Variants in GIGYF2 observed in about 807,000 individuals in gnomAD.
GIGYF2 encodes GRB10 interacting GYF protein 2, also known as GRB10-interacting GYF protein 2.
Under a neutral mutation model 208.1 loss-of-function variants are expected in GIGYF2, and 25 were observed. That is an observed-to-expected ratio of 0.12 (90% CI 0.09 to 0.17). GIGYF2 has a LOEUF of 0.17. Among genes scored for constraint, GIGYF2 ranks in the 10% least tolerant of loss-of-function variants. The probability of loss-of-function intolerance (pLI) is 1.00; values close to 1 mark genes in which losing one functional copy is unlikely to be tolerated. For missense variants in GIGYF2, 1,302 were observed against 1,579.4 expected, an observed-to-expected ratio of 0.82 and a Z score of 2.98; for synonymous variants, 534 against 543.8, an observed-to-expected ratio of 0.98 and a Z score of 0.25.
chr2:232,736,364 A>G (rs529896457), intron 3 of GIGYF2: 1 of 237,460 alleles, frequency 4.2e-6, no homozygotes, highest in Admixed American at 6.5e-5. Flanking sequence ...TCCATGGTAC[A>G]CACTGTAAAT....
At chr2:232,823,508 A>G (rs772841184) in intron 21 of GIGYF2, among the ~76,000 whole-genome samples, 6 of 148,444 alleles carry the variant, frequency 4.0e-5, no homozygotes, top group Admixed American at 6.7e-5. Flanking sequence ...TCATGCCACC[A>G]CTCCTGGCTA....
intron 2 of GIGYF2, chr2:232,729,550 C>G: frequency 1.4e-6 from 2 of 1,385,530 alleles, no homozygotes; most frequent in Non-Finnish European, 2.0e-6. Flanking sequence ...CAGCCACATC[C>G]ATGGACTGCA....
At chr2:232,732,922 G>T (rs1436104177) in intron 2 of GIGYF2, among the ~76,000 whole-genome samples, 1 of 152,060 alleles carries the variant, frequency 6.6e-6, no homozygotes, top group Non-Finnish European at 1.5e-5. Flanking sequence ...GAGCCACCAT[G>T]CTCGGCAGTT....
In GIGYF2 at chr2:232,812,335, T is replaced by C. The variant is rs565820264; in HGVS notation, c.2007-56T>C. 10 of 789,938 alleles carry C rather than the reference T, an allele frequency of 1.3e-5. No homozygotes were observed. In the South Asian group the frequency reaches 1.3e-4, roughly 10 times the overall value. 48.9% of individuals were successfully genotyped at this position (789,938 alleles called of 1,614,324 possible). On this transcript the variant is annotated intron_variant, in intron 17 of 28. Transcript: ENST00000373563. ...AATCTAGAAATTCCTCTTCATCTTTTTTTTTTTTTCCTGCAAATGACAAGA... is the reference window on the plus strand; with the variant it reads ...AATCTAGAAATTCCTCTTCATCTTTCTTTTTTTTTCCTGCAAATGACAAGA...
In GIGYF2 at chr2:232,790,829, A is replaced by G. The variant is rs1368942282; in HGVS notation, c.844A>G (p.Arg282Gly). The change falls in exon 10 of 29, where the codon AGG becomes GGG. Residue 282 changes from arginine (R) to glycine (G), a missense_variant. By Grantham distance (125) the Arg-to-Gly change is moderately radical. Transcript: ENST00000373563. The stretch of plus-strand genomic sequence containing the variant: ...TGGCAGTGGGAGCATAGATGATGAC[A>G]GGGATAGCTTGCCCGAATGGTGCTT... ...RSGSGSIDDD[R>G]DSLPEWCLED... is the part of the protein sequence containing the mutation. 2 of 1,614,052 alleles carry G rather than the reference A, an allele frequency of 1.2e-6. No individual in the cohort carries two copies. The highest frequency in any genetic ancestry group is 1.7e-6 in the Non-Finnish European group (2 of 1,180,012).
intron 19 of GIGYF2, 121 bp from the exon 20 acceptor site, chr2:232,816,750 C>T (rs1700925320): frequency 1.3e-6 from 1 of 756,386 alleles, no homozygotes; most frequent in Non-Finnish European, 2.4e-6. Flanking sequence ...GTTGGATCAC[C>T]TGGTTGCAGT....
chr2:232,832,940 G>C lies in GIGYF2; in HGVS notation c.2613G>C (p.Glu871Asp). The C allele has an allele frequency of 6.4e-7, 1 of 1,568,858 alleles. No homozygotes were observed. The highest frequency in any genetic ancestry group is 8.6e-7 in the Non-Finnish European group (1 of 1,156,794). Reference protein sequence around the residue: ...LEENRLRMEEEAARLRHEEEE... With the variant: ...LEENRLRMEEDAARLRHEEEE... ...AGAACCGGCTGCGGATGGAAGAGGA[G>C]GCAGCCAGACTCCGGCATGAGGAAG... Residue 871 changes from glutamate (E) to aspartate (D), a missense_variant, in exon 22 of 29, where the codon GAG becomes GAC. By Grantham distance (45) the Glu-to-Asp change is conservative. Around this residue, in one of 8 missense-constraint regions of GIGYF2, gnomAD observed 701 missense variants for 793.0 expected, o/e 0.88. Transcript: ENST00000373563.
intron 26 of GIGYF2, 115 bp downstream of exon 26, chr2:232,846,001 C>T (rs1226614066): frequency 2.3e-5 from 17 of 736,288 alleles, no homozygotes; most frequent in Non-Finnish European, 4.2e-5. Flanking sequence ...AGGAGGTCAA[C>T]TGCTGCACCT....
intron 23 of GIGYF2, 36 bp downstream of exon 23, chr2:232,840,007 A>G: frequency 6.2e-7 from 1 of 1,602,206 alleles, no homozygotes; most frequent in Non-Finnish European, 8.5e-7. Flanking sequence ...TAGTCAAGCG[A>G]TGTTCCAGAA....
At chr2:232,701,605 G>A (rs1215979515) in intron 1 of GIGYF2, among the ~76,000 whole-genome samples, 3 of 151,604 alleles carry the variant, frequency 2.0e-5, no homozygotes, top group Non-Finnish European at 4.4e-5. Context: ...AATATTTTTT[G>A]TAGAGATGGG....
At chr2:232,842,013 T>C (rs1248516279) in intron 23 of GIGYF2, among the ~76,000 whole-genome samples, 2 of 150,876 alleles carry the variant, frequency 1.3e-5, no homozygotes, top group African/African-American at 4.9e-5. Context: ...AAAAAAAAAT[T>C]TTTTTTTTTT....
intron 1 of GIGYF2, among the ~76,000 whole-genome samples, chr2:232,699,965 C>CA (rs1695773494): frequency 1.3e-5 from 2 of 151,956 alleles, no homozygotes; most frequent in East Asian, 3.9e-4. Context: ...TATTTTTTTG[C>CA]AAAAAACATT....
chr2:232,799,780 C>T (rs540335213), intron 14 of GIGYF2, among the ~76,000 whole-genome samples: 1 of 152,188 alleles, frequency 6.6e-6, no homozygotes, highest in African/African-American at 2.4e-5. Context: ...TTTAATTTCA[C>T]CAAATTCTCT....
At chr2:232,847,281 CT>C in intron 26 of GIGYF2, 66 bp from the exon 27 acceptor site, 1 of 1,544,438 alleles carries the variant, frequency 6.5e-7, no homozygotes, top group South Asian at 1.1e-5. Flanking sequence ...AAAATGGAAA[CT>C]GATTTTTGTA....
chr2:232,749,046 A>G lies in GIGYF2; in HGVS notation c.231A>G (p.Pro77=), dbSNP rs1381667409. The G allele has an allele frequency of 3.7e-6, 6 of 1,603,840 alleles. No homozygotes were observed. The highest frequency in any genetic ancestry group is 3.4e-6 in the Non-Finnish European group (4 of 1,170,800). Residue 77 remains proline, a synonymous_variant, in exon 5 of 29, where the codon CCA becomes CCG. Coordinates refer to ENST00000373563, the MANE Select transcript of GIGYF2 (RefSeq NM_001103146.3). ...CTATCCTCCAGGAGGAACCCCTTCC[A>G]CCATTGGCTCTGGTACCCTTTACAG... ...FLPILQEEPL[P]PLALVPFTEE...
chr2:232,849,548 A>G (rs115161382), intron 27 of GIGYF2, among the ~76,000 whole-genome samples: 1 of 152,140 alleles, frequency 6.6e-6, no homozygotes, highest in East Asian at 1.9e-4. Flanking sequence ...CTGTGGGCTA[A>G]AACAGGAAGA....
intron 3 of GIGYF2, among the ~76,000 whole-genome samples, chr2:232,742,998 C>T (rs1698026612): frequency 6.6e-6 from 1 of 152,198 alleles, no homozygotes; most frequent in Non-Finnish European, 1.5e-5. Context: ...TTGACTCCCA[C>T]ACCTTCACAC....
intron 2 of GIGYF2, among the ~76,000 whole-genome samples, chr2:232,717,334 G>A (rs1696732609): frequency 6.6e-6 from 1 of 152,044 alleles, no homozygotes; most frequent in Non-Finnish European, 1.5e-5. Context: ...AATAATAATT[G>A]ATAGGTAAAA....
chr2:232,715,532 G>A (rs1226892831), intron 2 of GIGYF2, among the ~76,000 whole-genome samples: 2 of 151,802 alleles, frequency 1.3e-5, no homozygotes, highest in South Asian at 2.1e-4. Context: ...TATAGTGTAC[G>A]GGCCAGGTAG....
Sources: gnomAD v4.1 joint callset for allele counts (sites outside exome capture counted in the v4.1 genomes callset) on GRCh38, gnomAD v4.1.1 for gene constraint, gnomAD v4.1.1 regional missense constraint, MANE v1.5 for transcripts, NCBI Gene and HGNC (gene_info 2026-07-23, HGNC 2026-07-21) for gene names.